ECE2: variants seen among roughly 807,000 people sequenced by gnomAD.
ECE2 encodes endothelin-converting enzyme 2.
Under a neutral mutation model 100.6 loss-of-function variants are expected in ECE2, and 81 were observed. The ratio of observed to expected loss-of-function variants is 0.81; its 90% CI spans 0.67 to 0.97. The LOEUF is 0.97. Ranked by LOEUF, ECE2 falls within the 50% of genes least tolerant of loss-of-function variation. ECE2 has a pLI of 0.00. For missense variants in ECE2, 911 were observed against 988.1 expected, an observed-to-expected ratio of 0.92 and a Z score of 1.05; for synonymous variants, 391 against 391.5, an observed-to-expected ratio of 1.00 and a Z score of 0.02.
In ECE2 at chr3:184,278,005, A is replaced by G. The variant is rs1720642384; in HGVS notation, c.559A>G (p.Ile187Val). The G allele has an allele frequency of 6.2e-6, 10 of 1,613,974 alleles. No individual in the cohort carries two copies. In the African/African-American group the frequency reaches 1.1e-4, roughly 17 times the overall value. The stretch of plus-strand genomic sequence containing the variant: ...CCTATCTTGCCTACAGGTGGAGCGC[A>G]TTGAGGAGCTGGGAGCCCAGCCACT... Reference protein sequence around the residue: ...FYLSCLQVERIEELGAQPLRD... With the variant: ...FYLSCLQVERVEELGAQPLRD... The change falls in exon 5 of 19, where the codon ATT becomes GTT. Residue 187 changes from isoleucine (I) to valine (V), a missense_variant. By Grantham distance (29) the Ile-to-Val change is conservative (BLOSUM62 3). Coordinates refer to ENST00000404464, the MANE Select transcript of ECE2 (RefSeq NM_001100121.2).
At chr3:184,277,104 T>A in intron 3 of ECE2, 77 bp downstream of exon 3, 1 of 1,604,250 alleles carries the variant, frequency 6.2e-7, no homozygotes, top group Non-Finnish European at 8.5e-7. Flanking sequence ...GATTTTCACT[T>A]GTGGGAACCA....
intron 10 of ECE2, among the ~76,000 whole-genome samples, chr3:184,286,061 T>C (rs1012440969): frequency 1.3e-5 from 2 of 152,126 alleles, no homozygotes; most frequent in Non-Finnish European, 2.9e-5. Flanking sequence ...TTTTCTGCTA[T>C]AGGACAGAGG....
chr3:184,277,483 G>T lies in ECE2; in HGVS notation c.478+17G>T, dbSNP rs373454480. On this transcript the variant is annotated intron_variant, in intron 4 of 18. Coordinates refer to ENST00000404464, the MANE Select transcript of ECE2 (RefSeq NM_001100121.2). ...ACCTGCTTGGTGAGTGGGGCTGTTAGGGAGGCCTTGGGCCACCTATGTGCC... is the reference window on the plus strand; with the variant it reads ...ACCTGCTTGGTGAGTGGGGCTGTTATGGAGGCCTTGGGCCACCTATGTGCC... The T allele has an allele frequency of 7.8e-5, 125 of 1,612,508 alleles. 1 individual carries two copies. Among genetic ancestry groups the T allele is most frequent in the Non-Finnish European group, 9.5e-5 (112 of 1,179,332 alleles).
rs1720974285 is a variant in ECE2, at chr3:184,285,065, T to C, written c.1108T>C (p.Leu370=). Residue 370 remains leucine (L), a synonymous_variant, in exon 9 of 19, where the codon TTG becomes CTG. Transcript: ENST00000404464. ...EPVVVYGMDY[L]QQVSELINRT... ...TGTGGTGGTGTATGGGATGGATTATTTGCAGCAGGTGTCAGAGCTCATCAA... is the reference window on the plus strand; with the variant it reads ...TGTGGTGGTGTATGGGATGGATTATCTGCAGCAGGTGTCAGAGCTCATCAA... The C allele has an allele frequency of 1.2e-6, 2 of 1,614,164 alleles. No individual in the cohort carries two copies. Among genetic ancestry groups the C allele is most frequent in the East Asian group, 2.2e-5 (1 of 44,876 alleles).
Position 184,283,890 on chromosome 3 carries a change from C to G in ECE2, c.922C>G (p.Gln308Glu). The part of the protein sequence containing the change: ...QMQQVLELEI[Q>E]LANITVPQDQ... ...GCAGCAGGTGCTGGAGTTGGAGATA[C>G]AGCTGGCCAACATCACAGTGCCCCA... Residue 308 changes from glutamine to glutamate, a missense_variant, in exon 8 of 19, where the codon CAG becomes GAG. Transcript: ENST00000404464. 6.2e-7 allele frequency: 1 copy of G among 1,613,986 alleles called. No individual in the cohort carries two copies. The highest frequency in any genetic ancestry group is 8.5e-7 in the Non-Finnish European group (1 of 1,180,030).
chr3:184,282,014 G>T (rs1720832972), intron 7 of ECE2, among the ~76,000 whole-genome samples: 1 of 152,212 alleles, frequency 6.6e-6, no homozygotes, highest in Non-Finnish European at 1.5e-5. Flanking sequence ...CAGGAGAATC[G>T]CTTGAACCCG....
In ECE2 at chr3:184,283,952, G is replaced by A; in HGVS notation, c.984G>A (p.Lys328=). 1 of 1,614,008 alleles carries A rather than the reference G, an allele frequency of 6.2e-7. No homozygotes were observed. The highest frequency in any genetic ancestry group is 8.5e-7 in the Non-Finnish European group (1 of 1,179,988). ...QRRDEEKIYH[K]MSISELQALA... is the part of the protein sequence containing the mutation. ...GCGACGAGGAGAAGATCTACCACAAGATGAGCATTTCGGAGCTGCAGGTGG... is the reference window on the plus strand; with the variant it reads ...GCGACGAGGAGAAGATCTACCACAAAATGAGCATTTCGGAGCTGCAGGTGG... Residue 328 remains lysine, a synonymous_variant, in exon 8 of 19, where the codon AAG becomes AAA. Coordinates refer to ENST00000404464, the MANE Select transcript of ECE2 (RefSeq NM_001100121.2).
rs1721128155 is a variant in ECE2 at position 184,287,889 on chromosome 3, GC to G, written c.1317del (p.Phe440LeufsTer8). 3.1e-6 allele frequency: 5 copies of G among 1,614,094 alleles called. No individual in the cohort carries two copies. The highest frequency in any genetic ancestry group is 4.2e-6 in the Non-Finnish European group (5 of 1,180,042). On this transcript the variant is annotated frameshift_variant, in exon 11 of 19. Coordinates refer to ENST00000404464, the MANE Select transcript of ECE2 (RefSeq NM_001100121.2). LOFTEE classifies it high-confidence loss of function. ...TCISNTDDAL[G>X]FALGSLFVKA... The stretch of plus-strand genomic sequence containing the variant: ...ATCTCCAACACGGATGACGCCCTTG[GC>G]TTTGCTTTGGGGTCCCTCTTCGTGA...
At position 184,282,107 on chromosome 3, in the gene ECE2, A is replaced by G. The variant is rs572040175; in HGVS notation, c.817-1678A>G. On this transcript the variant is annotated intron_variant, in intron 7 of 18. Coordinates refer to ENST00000404464, the MANE Select transcript of ECE2 (RefSeq NM_001100121.2). ...GAGGGAGACGCCATCTCAAACAAAC[A>G]ACAACAAAAAAACTAAGAGTAAAGC... 8.5e-5 allele frequency among the ~76,000 whole-genome samples: 13 copies of G among 152,314 alleles called. No homozygotes were observed. In the East Asian group the frequency reaches 2.5e-3, roughly 29 times the overall value.
intron 8 of ECE2, 148 bp downstream of exon 8, chr3:184,284,121 C>T: frequency 2.0e-6 from 2 of 1,020,630 alleles, no homozygotes; most frequent in African/African-American, 1.6e-5. Flanking sequence ...TGCTGCTGTC[C>T]TGGGGAAAAA....
Position 184,277,036 on chromosome 3 carries a change from G to A in ECE2, c.262+9G>A, listed in dbSNP as rs1199573989. On this transcript the variant is annotated intron_variant, in intron 3 of 18. Transcript: ENST00000404464. ...GGTCCAGTACCACAGAGGTAGGTGG[G>A]CCCACACTCTTCGTCAGTATTCATA... 6.2e-7 allele frequency: 1 copy of A among 1,613,690 alleles called. No individual in the cohort carries two copies.
In ECE2 at chr3:184,278,710, T is replaced by TCCTC. The variant is rs546931103; in HGVS notation, c.816+165_816+168dup. ...GCCCCTCCTTTCTTTCTTCTTTTCT[T>TCCTC]CCTCCCTCCCTCCCTTTCTTCCCCT... On this transcript the variant is annotated intron_variant, in intron 7 of 18. Transcript: ENST00000404464. 5.3e-3 allele frequency: 3,501 copies of TCCTC among 661,348 alleles called. 79 individuals are homozygous for TCCTC. The African/African-American group carries it at 0.063, about 12-fold the overall frequency. The allele number at this position is 661,348 out of a possible 1,614,324, so 41.0% of individuals were successfully genotyped here.
At position 184,285,562 on chromosome 3, in the gene ECE2, G is replaced by C; in HGVS notation, c.1233G>C (p.Lys411Asn). 1 of 1,614,182 alleles carries C rather than the reference G, an allele frequency of 6.2e-7. No homozygotes were observed. The highest frequency in any genetic ancestry group is 8.5e-7 in the Non-Finnish European group (1 of 1,180,004). The change falls in exon 10 of 19, where the codon AAG (lysine) becomes AAC (asparagine). Residue 411 changes from lysine (K) to asparagine (N), a missense_variant. Lys to Asn is a moderately conservative substitution (Grantham distance 94). Transcript: ENST00000404464. ...LDRRFESAQEKLLETLYGTKK... is the reference protein window; with the variant it reads ...LDRRFESAQENLLETLYGTKK... ...GACGCTTTGAGTCTGCACAAGAGAAGCTGCTGGAGACCCTCTATGGCACTA... is the reference window on the plus strand; with the variant it reads ...GACGCTTTGAGTCTGCACAAGAGAACCTGCTGGAGACCCTCTATGGCACTA...
chr3:184,276,134 C>A lies in ECE2; in HGVS notation c.-20C>A. The A allele has an allele frequency of 7.2e-7, 1 of 1,379,676 alleles. No homozygotes were observed. The highest frequency in any genetic ancestry group is 3.0e-5 in the East Asian group (1 of 33,898). 85.5% of individuals were successfully genotyped at this position (1,379,676 alleles called of 1,614,324 possible). A position where few individuals can be genotyped will look rare whatever the true frequency, so the allele number is the denominator to read the frequency against. ...GCCAGCTGCCGGGAGCCCTGAATCA[C>A]CGCCTGGCCCGACTCCACCATGAAC... On this transcript the variant is annotated 5_prime_UTR_variant, in exon 1 of 19. Transcript: ENST00000404464.
At position 184,291,741 on chromosome 3, in the gene ECE2, G is replaced by A. The variant is rs938929104; in HGVS notation, c.2121+302G>A. 1.4e-5 allele frequency: 7 copies of A among 512,988 alleles called. No individual in the cohort carries two copies. Among genetic ancestry groups the A allele is most frequent in the African/African-American group, 5.7e-5 (3 of 52,400 alleles). 31.8% of individuals were successfully genotyped at this position (512,988 alleles called of 1,614,324 possible). On this transcript the variant is annotated intron_variant, in intron 18 of 18. Coordinates refer to ENST00000404464, the MANE Select transcript of ECE2 (RefSeq NM_001100121.2). This position sits in a 1 kb window ranked among gnomAD's most constrained non-coding sequence, Gnocchi z 4.1. ...GGGGGCAAACGTTCATCCTCACGCT[G>A]TTCCTGTGAGGGAGACATGCAGGAA... is the stretch of plus-strand genomic sequence containing the variant.
chr3:184,276,424 C>G, intron 1 of ECE2, 57 bp from the exon 2 acceptor site: 1 of 1,559,218 alleles, frequency 6.4e-7, no homozygotes, highest in Non-Finnish European at 8.7e-7. Context: ...GGGGCAGGGT[C>G]GTGGGCAAAT....
rs755790933 is a variant in ECE2, at chr3:184,289,764, G to T, written c.1551+46G>T. On this transcript the variant is annotated intron_variant, in intron 13 of 18. Transcript: ENST00000404464. This position sits in a 1 kb window ranked among gnomAD's most constrained non-coding sequence, Gnocchi z 4.1. The stretch of plus-strand genomic sequence containing the variant: ...GTACTGAACTTCAGCCCTGTAGAGG[G>T]CACTGTTCCCTGGGCTTAGAAATTG... 1 of 1,519,930 alleles carries T rather than the reference G, an allele frequency of 6.6e-7. No homozygotes were observed. The highest frequency in any genetic ancestry group is 1.4e-5 in the African/African-American group (1 of 72,196). The allele number at this position is 1,519,930 out of a possible 1,614,324, so 94.2% of individuals were successfully genotyped here.
intron 3 of ECE2, 80 bp downstream of exon 3, chr3:184,277,107 G>A (rs2108416611): frequency 1.2e-6 from 2 of 1,603,006 alleles, no homozygotes; most frequent in South Asian, 2.2e-5. Context: ...TTTCACTTGT[G>A]GGAACCAAGC....
Position 184,285,504 on chromosome 3 carries a change from A to G in ECE2, c.1175A>G (p.Asn392Ser). The change falls in exon 10 of 19, where the codon AAC becomes AGC. Residue 392 changes from asparagine to serine, a missense_variant. Asn to Ser is a conservative substitution (Grantham distance 46, BLOSUM62 1). Coordinates refer to ENST00000404464, the MANE Select transcript of ECE2 (RefSeq NM_001100121.2). ...ATCCTGAACAATTACCTGATCTGGA[A>G]CCTGGTGCAAAAGACAACCTCAAGC... ...PSILNNYLIW[N>S]LVQKTTSSLD... is the part of the protein sequence containing the mutation. 6.2e-7 allele frequency: 1 copy of G among 1,614,106 alleles called. No individual in the cohort carries two copies. Among genetic ancestry groups the G allele is most frequent in the Non-Finnish European group, 8.5e-7 (1 of 1,180,000 alleles).
Sources: allele counts gnomAD v4.1 joint callset (sites outside exome capture counted in the v4.1 genomes callset), GRCh38; gene constraint gnomAD v4.1.1; non-coding constraint Gnocchi (gnomAD v3.1); transcripts MANE v1.5; gene names NCBI Gene and HGNC (gene_info 2026-07-23, HGNC 2026-07-21).